POF1B: variants seen among roughly 807,000 people sequenced by gnomAD.
POF1B encodes the protein POF1B actin binding protein, also known as protein POF1B.
In POF1B, 53 loss-of-function variants were observed where a neutral mutation model predicts 55.3. The ratio of observed to expected loss-of-function variants is 0.96; its 90% confidence interval spans 0.77 to 1.20. The LOEUF is 1.20. Ranked by LOEUF, POF1B falls within the 50% of genes most tolerant of loss-of-function variation. The pLI is 0.00. For missense variants in POF1B, 478 were observed against 420.5 expected, an observed-to-expected ratio of 1.14 and a Z score of -1.20; for synonymous variants, 188 against 148.3, an observed-to-expected ratio of 1.27 and a Z score of -1.95.
intron 16 of POF1B, among the ~76,000 whole-genome samples, chrX:85,281,069 C>A (rs2147886728): frequency 9.1e-6 from 1 of 110,407 alleles, no homozygotes; most frequent in East Asian, 2.9e-4. Flanking sequence ...CTGTAGAGAG[C>A]AACTGTGCTA....
rs34691408 is a variant in POF1B at position 85,334,503 on chromosome X, G to A, written c.724-3424C>T. Among the ~76,000 whole-genome samples, 937 of 111,217 alleles carry A rather than the reference G, an allele frequency of 8.4e-3. 11 individuals carry two copies. Among genetic ancestry groups the A allele is most frequent in the African/African-American group, 0.027 (844 of 30,735 alleles). On this transcript the variant is annotated intron_variant, in intron 6 of 16. Transcript: ENST00000262753. ...TCATGAGCATGCATCAATGAAGTAC[G>A]TTTAATCGGATCACTATTTGACTAT...
intron 15 of POF1B, among the ~76,000 whole-genome samples, chrX:85,297,990 C>A (rs1198554872): frequency 2.7e-5 from 3 of 112,237 alleles, no homozygotes; most frequent in Non-Finnish European, 5.6e-5. Flanking sequence ...TGTGCTGCAA[C>A]CTTGGGGCAT....
intron 6 of POF1B, among the ~76,000 whole-genome samples, chrX:85,342,210 G>A (rs1933185710): frequency 9.0e-6 from 1 of 111,058 alleles, no homozygotes; most frequent in African/African-American, 3.3e-5. Context: ...ATATTAGTAG[G>A]GAGGACCATG....
chrX:85,306,161 T>C lies in POF1B; in HGVS notation c.1317+20A>G, dbSNP rs1275188543. On this transcript the variant is annotated intron_variant, in intron 12 of 16. Coordinates refer to ENST00000262753, the MANE Select transcript of POF1B (RefSeq NM_024921.4). ...ATGTAACTAAGGTAATACTGTATAT[T>C]TAAAAGGAAGTTTTAATACCTGCAT... 2 of 1,168,549 alleles carry C rather than the reference T, an allele frequency of 1.7e-6. No individual in the cohort carries two copies. Among genetic ancestry groups the C allele is most frequent in the Admixed American group, 2.3e-5 (1 of 44,040 alleles).
chrX:85,297,728 G>A (rs1372799802), intron 15 of POF1B, among the ~76,000 whole-genome samples: 1 of 111,740 alleles, frequency 8.9e-6, no homozygotes, highest in Admixed American at 9.5e-5. Context: ...CCAGGCCTTA[G>A]GGTAGCCCCA....
At chrX:85,299,510 G>A (rs1398021193) in intron 15 of POF1B, among the ~76,000 whole-genome samples, 7 of 98,559 alleles carry the variant, frequency 7.1e-5, no homozygotes, top group East Asian at 3.3e-4. Context: ...GGATGGTCTC[G>A]ATCTCCTGAC....
At chrX:85,292,324 T>C (rs902954824) in intron 15 of POF1B, among the ~76,000 whole-genome samples, 1 of 111,991 alleles carries the variant, frequency 8.9e-6, no homozygotes, top group African/African-American at 3.2e-5. Flanking sequence ...GATGAGCTGC[T>C]GGATTTGGTT....
intron 6 of POF1B, among the ~76,000 whole-genome samples, chrX:85,337,934 C>T (rs779595207): frequency 1.4e-4 from 16 of 111,346 alleles, no homozygotes; most frequent in African/African-American, 4.9e-4. Context: ...AATTGTTAAA[C>T]AATTGTGCAA....
rs773256848 is a variant in POF1B at position 85,282,391 on chromosome X, T to A, written c.1650-74A>T. On this transcript the variant is annotated intron_variant, in intron 15 of 16. Coordinates refer to ENST00000262753, the MANE Select transcript of POF1B (RefSeq NM_024921.4). ...TTCATTCCTTTTTAGTCACTCCTAG[T>A]TTGATTGCCCTAATTAAGCCAATTC... The A allele has an allele frequency of 8.4e-6, 6 of 710,227 alleles. No individual in the cohort carries two copies. The East Asian group carries it at 2.0e-4, about 23-fold the overall frequency. The allele number at this position is 710,227 out of a possible 1,213,427, so 58.5% of individuals were successfully genotyped here.
At position 85,307,048 on chromosome X, in the gene POF1B, T is replaced by G. The variant is rs1461903268; in HGVS notation, c.1164+115A>C. The stretch of plus-strand genomic sequence containing the variant: ...GCCACTCAATTCTCATATGAACAAA[T>G]TTTTCCATCATATTTAATTCTGTCT... On this transcript the variant is annotated intron_variant, in intron 11 of 16. Transcript: ENST00000262753. 6.7e-6 allele frequency: 4 copies of G among 595,756 alleles called. No individual in the cohort carries two copies. The African/African-American group carries it at 9.4e-5, about 14-fold the overall frequency. 49.1% of individuals were successfully genotyped at this position (595,756 alleles called of 1,213,427 possible).
intron 6 of POF1B, among the ~76,000 whole-genome samples, chrX:85,336,517 ATC>A (rs1933076622): frequency 9.0e-6 from 1 of 110,973 alleles, no homozygotes; most frequent in African/African-American, 3.3e-5. Flanking sequence ...GGGTGAGATA[ATC>A]TCTCACTGTA....
chrX:85,361,309 G>T (rs768184222), intron 3 of POF1B, among the ~76,000 whole-genome samples: 13 of 111,839 alleles, frequency 1.2e-4, no homozygotes, highest in African/African-American at 3.9e-4. Context: ...GTATTGCTTA[G>T]GTTGTCTTCC....
chrX:85,313,854 T>C (rs757309504), intron 9 of POF1B, among the ~76,000 whole-genome samples: 42 of 110,864 alleles, frequency 3.8e-4, no homozygotes, highest in African/African-American at 1.3e-3. Flanking sequence ...AGGCTATTAA[T>C]TACTGCCTCA....
chrX:85,321,809 A>G (rs2147917538), intron 7 of POF1B, among the ~76,000 whole-genome samples: 1 of 106,471 alleles, frequency 9.4e-6, no homozygotes, highest in East Asian at 2.9e-4. Context: ...ACAGACAAAC[A>G]GAGAGCCAAA....
At chrX:85,283,594 T>C (rs1386511916) in intron 15 of POF1B, among the ~76,000 whole-genome samples, 4 of 110,344 alleles carry the variant, frequency 3.6e-5, no homozygotes, top group African/African-American at 6.6e-5. Flanking sequence ...CTCATATATA[T>C]ATAATTAAAG....
At chrX:85,292,125 A>T (rs1932203975) in intron 15 of POF1B, among the ~76,000 whole-genome samples, 1 of 111,253 alleles carries the variant, frequency 9.0e-6, no homozygotes, top group South Asian at 3.8e-4. Flanking sequence ...TACCTAGTTT[A>T]TTGAGAGATT....
chrX:85,315,620 C>A (rs751827064), intron 8 of POF1B, 87 bp downstream of exon 8: 2 of 856,182 alleles, frequency 2.3e-6, no homozygotes, highest in Non-Finnish European at 3.1e-6. Context: ...TAGTAAGGTA[C>A]TTAACTGAAA....
rs752694398 is a variant in POF1B at position 85,331,019 on chromosome X, C to T, written c.784G>A (p.Ala262Thr). ...TCCGTATTCTTACGGCTCAGATCAGCAAGCAACTCTCCAAAATATCTGGGG... is the reference window on the plus strand; with the variant it reads ...TCCGTATTCTTACGGCTCAGATCAGTAAGCAACTCTCCAAAATATCTGGGG... ...LDPRYFGELLADLSRKNTDLY... is the reference protein window; with the variant it reads ...LDPRYFGELLTDLSRKNTDLY... The change falls in exon 7 of 17, where the codon GCT (alanine) becomes ACT (threonine). Residue 262 changes from alanine (A) to threonine (T), a missense_variant. By Grantham distance (58) the Ala-to-Thr change is moderately conservative. Transcript: ENST00000262753. 2 of 1,206,095 alleles carry T rather than the reference C, an allele frequency of 1.7e-6. No individual in the cohort carries two copies. Among genetic ancestry groups the T allele is most frequent in the Non-Finnish European group, 2.2e-6 (2 of 892,129 alleles).
chrX:85,366,533 C>T (rs1271112036), intron 3 of POF1B, among the ~76,000 whole-genome samples: 3 of 110,582 alleles, frequency 2.7e-5, no homozygotes, highest in African/African-American at 6.6e-5. Context: ...TACAGTAAAC[C>T]CAATTTTAAA....
Sources: allele counts gnomAD v4.1 joint callset (sites outside exome capture counted in the v4.1 genomes callset), GRCh38; gene constraint gnomAD v4.1.1; transcripts MANE v1.5; gene names NCBI Gene and HGNC (gene_info 2026-07-23, HGNC 2026-07-21).